Variants in QRICH2 observed in about 807,000 individuals in gnomAD.
The protein encoded by QRICH2 is glutamine-rich protein 2.
Under a neutral mutation model 168.3 loss-of-function variants are expected in QRICH2, and 119 were observed. The ratio of observed to expected loss-of-function variants is 0.71; its 90% CI spans 0.61 to 0.82. QRICH2 has a LOEUF of 0.82. Ranked by LOEUF, QRICH2 falls within the 40% of genes least tolerant of loss-of-function variation. The pLI, the probability that QRICH2 is intolerant of heterozygous loss-of-function variation, is 0.00. For missense variants in QRICH2, 2,241 were observed against 2,491.6 expected (o/e 0.90, Z 2.14); for synonymous variants, 894 against 951.2 (o/e 0.94, Z 1.11).
intron 3 of QRICH2, 119 bp downstream of exon 3, chr17:76,304,296 A>AT (rs1366563356): frequency 1.9e-5 from 12 of 638,774 alleles, no homozygotes; most frequent in Non-Finnish European, 3.0e-5. Flanking sequence ...TAAAACACCC[A>AT]TATCAATGAA....
In QRICH2 at chr17:76,307,687, C is replaced by T; in HGVS notation, c.312G>A (p.Lys104=). Residue 104 remains lysine (K), a synonymous_variant, in exon 1 of 19, where the codon AAG becomes AAA. Coordinates refer to ENST00000680821, the MANE Select transcript of QRICH2 (RefSeq NM_001388453.1). The surrounding 1 kb of genome is among the most constrained non-coding windows in gnomAD (Gnocchi z 5.3). ...APSSALESQV[K]DLGGQVEDLS... Reference sequence around the variant, plus strand: ...GGTCCTCCACCTGGCCGCCCAGGTCCTTCACTTGGCTCTCCAGCGCTGACG... The same window carrying T: ...GGTCCTCCACCTGGCCGCCCAGGTCTTTCACTTGGCTCTCCAGCGCTGACG... The T allele has an allele frequency of 6.9e-7, 1 of 1,449,162 alleles. No individual in the cohort carries two copies. Among genetic ancestry groups the T allele is most frequent in the South Asian group, 1.4e-5 (1 of 70,280 alleles). The allele number at this position is 1,449,162 out of a possible 1,614,324, so 89.8% of individuals were successfully genotyped here.
In QRICH2 at chr17:76,291,602, A is replaced by C; in HGVS notation, c.3125T>G (p.Val1042Gly). The C allele has an allele frequency of 6.2e-7, 1 of 1,614,136 alleles. No individual in the cohort carries two copies. The highest frequency in any genetic ancestry group is 1.7e-5 in the Admixed American group (1 of 60,002). The change falls in exon 4 of 19, where the codon GTA (valine) becomes GGA (glycine). Residue 1042 changes from valine (V) to glycine (G), a missense_variant. Val to Gly is a moderately radical substitution (Grantham distance 109). Coordinates refer to ENST00000680821, the MANE Select transcript of QRICH2 (RefSeq NM_001388453.1). ...ASPGIDRRSLVPPETYQQGLM... is the reference protein window; with the variant it reads ...ASPGIDRRSLGPPETYQQGLM... ...ACCTTGCTGATAAGTTTCTGGTGGT[A>C]CCAAACTCCTTCGATCTATACCAGG...
chr17:76,276,029 C>A, intron 17 of QRICH2, 82 bp from the exon 18 acceptor site: 1 of 1,530,884 alleles, frequency 6.5e-7, no homozygotes, highest in South Asian at 1.2e-5. Context: ...GGGAGAGGGC[C>A]GCAGGGCTGC....
intron 17 of QRICH2, among the ~76,000 whole-genome samples, 192 bp from the exon 18 acceptor site, chr17:76,276,139 C>CA (rs199788563): frequency 6.6e-6 from 1 of 151,434 alleles, no homozygotes; most frequent in Admixed American, 6.6e-5. Context: ...GCCACCCACC[C>CA]ACTCACACAG....
Position 76,292,614 on chromosome 17 carries a change from C to T in QRICH2, c.2113G>A (p.Ala705Thr). 5 of 1,613,612 alleles carry T rather than the reference C, an allele frequency of 3.1e-6. No homozygotes were observed. The highest frequency in any genetic ancestry group is 4.2e-6 in the Non-Finnish European group (5 of 1,179,940). Residue 705 changes from alanine to threonine, a missense_variant, in exon 4 of 19, where the codon GCA (alanine) becomes ACA (threonine). By Grantham distance (58) the Ala-to-Thr change is moderately conservative (BLOSUM62 0). Around this residue, in one of 3 missense-constraint regions of QRICH2, gnomAD observed 2,047 missense variants for 2,303.8 expected, o/e 0.89. Coordinates refer to ENST00000680821, the MANE Select transcript of QRICH2 (RefSeq NM_001388453.1). ...GATTGTACCAAACCATGCTGATCTG[C>T]ACCAGGTTGCACCACATCAATCTGA... ...ADQIDVVQPG[A>T]DQHGLVQSGA...
Position 76,274,280 on chromosome 17 carries a change from A to T in QRICH2, c.5483-20T>A, listed in dbSNP as rs2070632559. The T allele has an allele frequency of 1.3e-6, 2 of 1,572,248 alleles. No individual in the cohort carries two copies. The highest frequency in any genetic ancestry group is 4.8e-5 in the East Asian group (2 of 41,934). ...AAGAAACTGTAAGACAGGGGTGCTGAGGTTGCTCAACACATTCCCCAAGCC... is the reference window on the plus strand; with the variant it reads ...AAGAAACTGTAAGACAGGGGTGCTGTGGTTGCTCAACACATTCCCCAAGCC... On this transcript the variant is annotated intron_variant, in intron 18 of 18. Transcript: ENST00000680821.
rs2071021855 is a variant in QRICH2, at chr17:76,308,239, G to A, written c.-241C>T. On this transcript the variant is annotated 5_prime_UTR_variant, in exon 1 of 19. Coordinates refer to ENST00000680821, the MANE Select transcript of QRICH2 (RefSeq NM_001388453.1). The stretch of plus-strand genomic sequence containing the variant: ...TCGCTGGCCTCGGGTCCCCGAGCTG[G>A]AGCCCTGGACTCCCAGTCCCCGCGC... The A allele has an allele frequency of 1.0e-6, 1 of 985,450 alleles. No individual in the cohort carries two copies. The highest frequency in any genetic ancestry group is 1.2e-6 in the Non-Finnish European group (1 of 829,906). 61.0% of individuals were successfully genotyped at this position (985,450 alleles called of 1,614,324 possible).
At chr17:76,295,993 T>C (rs1437880478) in intron 3 of QRICH2, among the ~76,000 whole-genome samples, 2 of 152,018 alleles carry the variant, frequency 1.3e-5, no homozygotes, top group Non-Finnish European at 1.5e-5. Flanking sequence ...GGGAGTCCGA[T>C]GTGGGTGGAT....
chr17:76,286,640 A>G (rs1206673024), intron 7 of QRICH2, among the ~76,000 whole-genome samples: 2 of 152,152 alleles, frequency 1.3e-5, no homozygotes, highest in Non-Finnish European at 2.9e-5. Flanking sequence ...TCATTGATAT[A>G]TGATTATATC....
Position 76,307,865 on chromosome 17 carries a change from T to A in QRICH2, c.134A>T (p.Asn45Ile). 1 of 1,275,716 alleles carries A rather than the reference T, an allele frequency of 7.8e-7. No individual in the cohort carries two copies. The highest frequency in any genetic ancestry group is 9.9e-7 in the Non-Finnish European group (1 of 1,013,254). The allele number at this position is 1,275,716 out of a possible 1,614,324, so 79.0% of individuals were successfully genotyped here. Residue 45 changes from asparagine (N) to isoleucine (I), a missense_variant, in exon 1 of 19, where the codon AAT (asparagine) becomes ATT (isoleucine). Transcript: ENST00000680821. The surrounding 1 kb of genome is among the most constrained non-coding windows in gnomAD (Gnocchi z 5.3). ...VAMLKNLDLQ[N>I]TRIDFQPSSP... ...CGAGGGCTGGAAGTCGATCCGGGTATTTTGGAGGTCGAGGTTCTTGAGCAT... is the reference window on the plus strand; with the variant it reads ...CGAGGGCTGGAAGTCGATCCGGGTAATTTGGAGGTCGAGGTTCTTGAGCAT...
At chr17:76,287,057 C>T (rs1008422795) in intron 7 of QRICH2, 135 bp downstream of exon 7, 1 of 356,170 alleles carries the variant, frequency 2.8e-6, no homozygotes, top group Non-Finnish European at 5.2e-6. Flanking sequence ...CACACACACA[C>T]ACACACACAC....
rs545100249 is a variant in QRICH2 at position 76,289,052 on chromosome 17, C to T, written c.3798+940G>A. ...CTGGGAGGTGGAGCTTGCAGTGAGC[C>T]GAGATTGCGCCACTGTACTCCAGCC... On this transcript the variant is annotated intron_variant, in intron 5 of 18. Transcript: ENST00000680821. Among the ~76,000 whole-genome samples, 51 of 147,670 alleles carry T rather than the reference C, an allele frequency of 3.5e-4. 1 individual carries two copies. Among genetic ancestry groups the T allele is most frequent in the African/African-American group, 1.3e-3 (51 of 39,746 alleles).
At chr17:76,278,767 C>T (rs1476727780) in intron 14 of QRICH2, among the ~76,000 whole-genome samples, 12 of 152,220 alleles carry the variant, frequency 7.9e-5, no homozygotes, top group African/African-American at 1.2e-4. Context: ...AGGCAGCTGG[C>T]GCCCTTGACG....
At chr17:76,279,657 C>T (rs1598478577) in intron 12 of QRICH2, among the ~76,000 whole-genome samples, 1 of 152,148 alleles carries the variant, frequency 6.6e-6, no homozygotes. Context: ...GTGCAAGTCT[C>T]GGGCGCCCCC....
intron 14 of QRICH2, among the ~76,000 whole-genome samples, chr17:76,278,787 C>T (rs560954747): frequency 3.5e-4 from 54 of 152,372 alleles, no homozygotes; most frequent in African/African-American, 1.1e-3. Context: ...GAAGTCCCAC[C>T]GTAACTCCCA....
chr17:76,294,709 A>G (rs2070767054), intron 3 of QRICH2, among the ~76,000 whole-genome samples: 1 of 151,296 alleles, frequency 6.6e-6, no homozygotes, highest in East Asian at 2.0e-4. Flanking sequence ...GCTACTCAGG[A>G]GACTGAGGCA....
chr17:76,285,016 G>A (rs78275895), intron 7 of QRICH2, among the ~76,000 whole-genome samples: 13,539 of 150,058 alleles, frequency 0.09, 761 homozygotes, highest in Admixed American at 0.15. Context: ...GTCCAGTGGC[G>A]CGATCATGGC....
Position 76,274,118 on chromosome 17 carries a change from C to T in QRICH2, c.5625G>A (p.Glu1875=), listed in dbSNP as rs1246938727. The part of the protein sequence containing the change: ...HVDMPPGEGL[E]EPTRGPRSST... ...TGGACCGCGGCCCCCGCGTGGGCTC[C>T]TCGAGCCCCTCCCCAGGAGGCATGT... The change falls in exon 19 of 19, where the codon GAG becomes GAA. Residue 1875 remains glutamate (E), a synonymous_variant. Transcript: ENST00000680821. 1.9e-6 allele frequency: 3 copies of T among 1,586,212 alleles called. No homozygotes were observed. Among genetic ancestry groups the T allele is most frequent in the Non-Finnish European group, 2.6e-6 (3 of 1,169,962 alleles).
intron 7 of QRICH2, among the ~76,000 whole-genome samples, chr17:76,283,479 CTT>C (rs1049944362): frequency 1.3e-5 from 2 of 152,322 alleles, no homozygotes. Context: ...ACAGGTGACT[CTT>C]AAACGCTCCC....
Sources: gnomAD v4.1 joint callset for allele counts (sites outside exome capture counted in the v4.1 genomes callset) on GRCh38, gnomAD v4.1.1 for gene constraint, gnomAD v4.1.1 regional missense constraint, Gnocchi (gnomAD v3.1) non-coding constraint, MANE v1.5 for transcripts, NCBI Gene and HGNC (gene_info 2026-07-23, HGNC 2026-07-21) for gene names.